Variants in CCDC102B observed in about 807,000 individuals in gnomAD.
CCDC102B encodes the protein coiled-coil domain-containing protein 102B.
A neutral mutation model predicts 57.4 loss-of-function variants in CCDC102B; 75 were observed. The ratio of observed to expected loss-of-function variants is 1.31; its 90% CI spans 1.08 to 1.58. The LOEUF is 1.58. Ranked by LOEUF, CCDC102B falls within the 40% of genes most tolerant of loss-of-function variation. CCDC102B has a pLI of 0.00. For missense variants in CCDC102B, 636 were observed against 582.6 expected (o/e 1.09, Z -0.94); for synonymous variants, 206 against 201.9 (o/e 1.02, Z -0.17).
At chr18:68,738,069 C>A (rs941884774) in intron 2 of CCDC102B, among the ~76,000 whole-genome samples, 3 of 152,146 alleles carry the variant, frequency 2.0e-5, no homozygotes, top group Non-Finnish European at 4.4e-5. Flanking sequence ...AGTACACCAT[C>A]CCCTTGCAGG....
intron 6 of CCDC102B, among the ~76,000 whole-genome samples, chr18:68,999,452 A>C (rs2051140184): frequency 6.6e-6 from 1 of 151,720 alleles, no homozygotes; most frequent in Non-Finnish European, 1.5e-5. Context: ...GTAAAAAAAA[A>C]AAAAAAAACC....
At chr18:68,765,327 A>AGGAAAGAAAG (rs2034409195) in intron 2 of CCDC102B, among the ~76,000 whole-genome samples, 1 of 70,778 alleles carries the variant, frequency 1.4e-5, no homozygotes, top group Non-Finnish European at 3.1e-5. Flanking sequence ...GAAGGAAGGA[A>AGGAAAGAAAG]AGAAAGAAAG....
intron 6 of CCDC102B, among the ~76,000 whole-genome samples, chr18:68,998,190 T>C (rs1416292212): frequency 6.6e-6 from 1 of 151,910 alleles, no homozygotes; most frequent in African/African-American, 2.4e-5. Flanking sequence ...TATTTTGTTT[T>C]ATACTCTGGG....
rs759513538 is a variant in CCDC102B at position 68,722,296 on chromosome 18, C to T, written c.-67+5702C>T. 2.1e-3 allele frequency among the ~76,000 whole-genome samples: 313 copies of T among 152,208 alleles called. 9 individuals are homozygous for T. Among genetic ancestry groups the T allele is most frequent in the Non-Finnish European group, 5.7e-4 (39 of 68,048 alleles). ...CCCAGAGAAGGGCAATTTCCCCACT[C>T]TTCCCTTGTCGTTAAATGGTCAACT... On this transcript the variant is annotated intron_variant, in intron 2 of 3. Transcript: ENST00000578970.
intron 2 of CCDC102B, among the ~76,000 whole-genome samples, chr18:68,773,670 GTATAT>G (rs1203951957): frequency 6.6e-6 from 1 of 151,830 alleles, no homozygotes; most frequent in African/African-American, 2.4e-5. Flanking sequence ...AAAATGCAAA[GTATAT>G]TATATTACTT....
At chr18:68,839,649 T>A (rs1462016086) in intron 3 of CCDC102B, among the ~76,000 whole-genome samples, 1 of 152,168 alleles carries the variant, frequency 6.6e-6, no homozygotes, top group Non-Finnish European at 1.5e-5. Flanking sequence ...CATGGAAGGC[T>A]GGGGGCTGCA....
intron 2 of CCDC102B, among the ~76,000 whole-genome samples, chr18:68,717,267 T>C (rs78450038): frequency 0.1 from 15,727 of 152,044 alleles, 833 homozygotes; most frequent in African/African-American, 0.11. Flanking sequence ...CAATTAAGTA[T>C]TTCTGATGAA....
chr18:68,799,355 G>A (rs1225792637), intron 1 of CCDC102B, among the ~76,000 whole-genome samples: 2 of 151,938 alleles, frequency 1.3e-5, no homozygotes, highest in East Asian at 1.9e-4. Context: ...TAATTTCATT[G>A]TCTCTCTTTT....
chr18:68,731,647 C>T (rs2032868854), intron 2 of CCDC102B, among the ~76,000 whole-genome samples: 1 of 150,380 alleles, frequency 6.6e-6, no homozygotes, highest in Non-Finnish European at 1.5e-5. Context: ...ATAATATAAA[C>T]AATTTTGTAT....
At chr18:68,743,173 C>T (rs1396883690) in intron 2 of CCDC102B, among the ~76,000 whole-genome samples, 1 of 151,416 alleles carries the variant, frequency 6.6e-6, no homozygotes, top group South Asian at 2.1e-4. Context: ...TGAGACCAGC[C>T]TGGCCAACGT....
chr18:68,854,074 G>A (rs2038266718), intron 4 of CCDC102B, among the ~76,000 whole-genome samples: 1 of 143,544 alleles, frequency 7.0e-6, no homozygotes, highest in Admixed American at 7.4e-5. Context: ...CTTTATGTTA[G>A]CATAATACTT....
chr18:69,001,378 T>G (rs1009082732), intron 6 of CCDC102B, among the ~76,000 whole-genome samples: 2 of 152,122 alleles, frequency 1.3e-5, no homozygotes, highest in African/African-American at 4.8e-5. Context: ...TTGATTTTCT[T>G]GTAGGACTTT....
chr18:68,891,034 T>A (rs900030757), intron 5 of CCDC102B, among the ~76,000 whole-genome samples: 1 of 152,234 alleles, frequency 6.6e-6, no homozygotes, highest in Non-Finnish European at 1.5e-5. Context: ...TGGCAAACAA[T>A]TTTCTAATGT....
chr18:68,857,331 A>AT (rs1309113482), intron 4 of CCDC102B, among the ~76,000 whole-genome samples: 3 of 76,170 alleles, frequency 3.9e-5, no homozygotes, highest in African/African-American at 1.4e-4. Flanking sequence ...ATATATATAA[A>AT]ATATATATTT....
At chr18:68,945,148 A>ACACACACACACACT (rs2049502070) in intron 6 of CCDC102B, among the ~76,000 whole-genome samples, 1 of 150,366 alleles carries the variant, frequency 6.7e-6, no homozygotes, top group African/African-American at 2.4e-5. Flanking sequence ...ACACACACAC[A>ACACACACACACACT]CTCATCTAGC....
chr18:68,739,520 CT>C (rs970267045), intron 2 of CCDC102B, among the ~76,000 whole-genome samples: 8 of 152,136 alleles, frequency 5.3e-5, no homozygotes, highest in African/African-American at 1.9e-4. Flanking sequence ...ACCTCTGAGC[CT>C]GCCCATGTTT....
At chr18:68,854,463 A>G (rs1014344684) in intron 4 of CCDC102B, among the ~76,000 whole-genome samples, 3 of 152,198 alleles carry the variant, frequency 2.0e-5, no homozygotes, top group African/African-American at 7.2e-5. Context: ...AATATTAACA[A>G]TAAGTTAAAT....
intron 4 of CCDC102B, among the ~76,000 whole-genome samples, chr18:68,865,955 A>G (rs2038958480): frequency 6.6e-6 from 1 of 152,190 alleles, no homozygotes; most frequent in Non-Finnish European, 1.5e-5. Context: ...TTCCATGTCT[A>G]TCTAACATGT....
At chr18:68,848,293 C>G (rs970202232) in intron 4 of CCDC102B, among the ~76,000 whole-genome samples, 1 of 151,858 alleles carries the variant, frequency 6.6e-6, no homozygotes, top group Non-Finnish European at 1.5e-5. Context: ...TTTTCCTCAA[C>G]AATTCTGATA....
Sources: gnomAD v4.1 joint callset for allele counts (sites outside exome capture counted in the v4.1 genomes callset) on GRCh38, gnomAD v4.1.1 for gene constraint, MANE v1.5 for transcripts, NCBI Gene and HGNC (gene_info 2026-07-23, HGNC 2026-07-21) for gene names.